TMEM232: variants seen among roughly 807,000 people sequenced by gnomAD.
The protein encoded by TMEM232 is transmembrane protein 232.
A neutral mutation model predicts 78.8 loss-of-function variants in TMEM232; 80 were observed. That is an observed-to-expected ratio of 1.01 (90% CI 0.85 to 1.22). The LOEUF (loss-of-function observed/expected upper bound fraction) is 1.22, where lower values mean the gene tolerates loss of function less well. TMEM232 is among the 50% of genes most tolerant of loss of function. The pLI is 0.00. For missense variants in TMEM232, 881 were observed against 742.2 expected (o/e 1.19, Z -2.17); for synonymous variants, 297 against 254.3 (o/e 1.17, Z -1.60).
chr5:110,580,076 T>C (rs573699681), intron 10 of TMEM232, among the ~76,000 whole-genome samples: 22 of 151,302 alleles, frequency 1.5e-4, no homozygotes, highest in Non-Finnish European at 3.1e-4. Flanking sequence ...CTAAGAAAAA[T>C]ATTATGTAAT....
At chr5:110,401,037 C>G (rs1561456044) in intron 2 of TMEM232, among the ~76,000 whole-genome samples, 1 of 151,936 alleles carries the variant, frequency 6.6e-6, no homozygotes, top group South Asian at 2.1e-4. Context: ...ATCTTTGTAC[C>G]TTGCATCACA....
chr5:110,690,554 AAG>A (rs1442527127), intron 1 of TMEM232, among the ~76,000 whole-genome samples: 1 of 152,208 alleles, frequency 6.6e-6, no homozygotes, highest in African/African-American at 2.4e-5. Context: ...ACGATTGTGG[AAG>A]ACAGTGTAGT....
chr5:110,562,497 C>T (rs1267261344), intron 11 of TMEM232, among the ~76,000 whole-genome samples: 5 of 152,028 alleles, frequency 3.3e-5, no homozygotes, highest in Non-Finnish European at 7.4e-5. Context: ...TAATACATTC[C>T]TGCTAATACT....
At chr5:110,509,005 T>C (rs1167425491) in intron 12 of TMEM232, among the ~76,000 whole-genome samples, 2 of 145,424 alleles carry the variant, frequency 1.4e-5, no homozygotes, top group East Asian at 3.9e-4. Flanking sequence ...TATGTATATA[T>C]ATATGTATAT....
chr5:110,434,410 G>A (rs1443586134), intron 12 of TMEM232, among the ~76,000 whole-genome samples: 1 of 151,466 alleles, frequency 6.6e-6, no homozygotes, highest in African/African-American at 2.4e-5. Flanking sequence ...TCAAGATTAA[G>A]CCAGGAATAA....
intron 8 of TMEM232, among the ~76,000 whole-genome samples, chr5:110,611,285 T>G (rs1295273598): frequency 6.6e-6 from 1 of 152,174 alleles, no homozygotes; most frequent in South Asian, 2.1e-4. Context: ...TTAGGGAAAC[T>G]ATTTTAAAGA....
At chr5:110,554,232 C>T (rs995929874) in intron 11 of TMEM232, among the ~76,000 whole-genome samples, 14 of 152,214 alleles carry the variant, frequency 9.2e-5, no homozygotes, top group African/African-American at 1.7e-4. Flanking sequence ...GCTGCCAACA[C>T]GGCTAGAATA....
chr5:110,421,095 A>G (rs1304063179), intron 13 of TMEM232, among the ~76,000 whole-genome samples: 5 of 152,088 alleles, frequency 3.3e-5, no homozygotes, highest in African/African-American at 1.2e-4. Context: ...TAAAATGAAG[A>G]ACGAGATGAA....
At chr5:110,632,034 C>A (rs1264362830) in intron 5 of TMEM232, among the ~76,000 whole-genome samples, 1 of 151,978 alleles carries the variant, frequency 6.6e-6, no homozygotes, top group Non-Finnish European at 1.5e-5. Context: ...CCACTGGGGA[C>A]CAAAGACTAA....
intron 12 of TMEM232, among the ~76,000 whole-genome samples, chr5:110,508,350 A>G (rs1767200971): frequency 6.6e-6 from 1 of 151,892 alleles, no homozygotes; most frequent in Non-Finnish European, 1.5e-5. Flanking sequence ...TTGGATGTAG[A>G]TGTACCCTTT....
At chr5:110,498,033 T>A (rs1029921044) in intron 12 of TMEM232, among the ~76,000 whole-genome samples, 5 of 152,278 alleles carry the variant, frequency 3.3e-5, no homozygotes, top group Middle Eastern at 3.4e-3. Flanking sequence ...TTAATACTTT[T>A]AATGCCTCAT....
At chr5:110,611,942 GAAGAT>G (rs1423266726) in intron 8 of TMEM232, among the ~76,000 whole-genome samples, 1 of 152,130 alleles carries the variant, frequency 6.6e-6, no homozygotes, top group Non-Finnish European at 1.5e-5. Context: ...GTGAGATGGA[GAAGAT>G]AAGATGTCTG....
intron 12 of TMEM232, among the ~76,000 whole-genome samples, chr5:110,454,831 T>C (rs1231261727): frequency 3.1e-5 from 4 of 127,190 alleles, no homozygotes; most frequent in Non-Finnish European, 4.5e-5. Context: ...GGAGGTATAA[T>C]AGATAAGAGG....
Position 110,536,572 on chromosome 5 carries a change from A to C in TMEM232, c.1456-7737T>G, listed in dbSNP as rs146005317. ...TCCTACATGTGACACAATTGGCAGCAACAGCTCCTCCAGAGTGAACTCACA... is the reference window on the plus strand; with the variant it reads ...TCCTACATGTGACACAATTGGCAGCCACAGCTCCTCCAGAGTGAACTCACA... On this transcript the variant is annotated intron_variant, in intron 11 of 13. Coordinates refer to ENST00000455884, the MANE Select transcript of TMEM232 (RefSeq NM_001039763.4). Among the ~76,000 whole-genome samples, 475 of 152,320 alleles carry C rather than the reference A, an allele frequency of 3.1e-3. 3 individuals carry two copies. The highest frequency in any genetic ancestry group is 5.0e-3 in the Non-Finnish European group (342 of 68,028).
chr5:110,615,284 C>G (rs1407262892), intron 8 of TMEM232, among the ~76,000 whole-genome samples: 3 of 152,010 alleles, frequency 2.0e-5, no homozygotes, highest in Middle Eastern at 3.4e-3. Flanking sequence ...TATACAAAGG[C>G]CTTTGGTGTA....
chr5:110,611,986 C>A (rs144669239), intron 8 of TMEM232, among the ~76,000 whole-genome samples: 4 of 152,044 alleles, frequency 2.6e-5, no homozygotes, highest in Admixed American at 6.6e-5. Flanking sequence ...AAGGACACGA[C>A]GACGTGTACT....
At chr5:110,542,425 A>G (rs1773249406) in intron 11 of TMEM232, among the ~76,000 whole-genome samples, 1 of 152,128 alleles carries the variant, frequency 6.6e-6, no homozygotes, top group Non-Finnish European at 1.5e-5. Flanking sequence ...CCTAGAGACC[A>G]TCAAGCTTCA....
intron 10 of TMEM232, among the ~76,000 whole-genome samples, chr5:110,591,124 T>G (rs1004160614): frequency 1.3e-5 from 2 of 152,174 alleles, no homozygotes; most frequent in Non-Finnish European, 2.9e-5. Context: ...TTTAAATTGT[T>G]TCTTTGTAAT....
intron 12 of TMEM232, among the ~76,000 whole-genome samples, chr5:110,442,936 G>C (rs1430405071): frequency 6.6e-6 from 1 of 152,096 alleles, no homozygotes; most frequent in African/African-American, 2.4e-5. Flanking sequence ...CCAACAAATG[G>C]AGGCTCTCTC....
Sources: allele counts gnomAD v4.1 joint callset (sites outside exome capture counted in the v4.1 genomes callset), GRCh38; gene constraint gnomAD v4.1.1; transcripts MANE v1.5; gene names NCBI Gene and HGNC (gene_info 2026-07-23, HGNC 2026-07-21).